Variants in DIS3L2 observed in about 807,000 individuals in gnomAD.
The protein encoded by DIS3L2 is DIS3 like 3'-5' exoribonuclease 2, also known as DIS3-like exonuclease 2.
In DIS3L2, 34 loss-of-function variants were observed where a neutral mutation model predicts 97.5. The ratio of observed to expected loss-of-function variants is 0.35; its 90% CI spans 0.27 to 0.46. The LOEUF is 0.46. DIS3L2 is among the 20% of genes least tolerant of loss of function. The pLI is 1.00. For synonymous variants in DIS3L2, 435 were observed against 445.2 expected (o/e 0.98, Z 0.29); for missense variants, 1,038 against 1,146.0 (o/e 0.91, Z 1.36).
At chr2:231,987,667 T>C (rs1296922608) in intron 1 of DIS3L2, among the ~76,000 whole-genome samples, 1 of 152,158 alleles carries the variant, frequency 6.6e-6, no homozygotes, top group African/African-American at 2.4e-5. Context: ...AGGCCCAGCT[T>C]ATTTCCCTGG....
chr2:232,116,533 C>T (rs527668509), intron 6 of DIS3L2, among the ~76,000 whole-genome samples: 2 of 152,356 alleles, frequency 1.3e-5, no homozygotes, highest in South Asian at 4.1e-4. Flanking sequence ...AGAGAATTCT[C>T]AACTAGGTTT....
intron 8 of DIS3L2, among the ~76,000 whole-genome samples, chr2:232,145,243 T>C (rs1389277511): frequency 5.3e-5 from 8 of 152,198 alleles, no homozygotes; most frequent in Admixed American, 5.2e-4. Flanking sequence ...TTCTCTCCAG[T>C]TTGTGAGTTG....
chr2:232,078,801 G>A (rs1436025000), intron 5 of DIS3L2, among the ~76,000 whole-genome samples: 1 of 152,234 alleles, frequency 6.6e-6, no homozygotes, highest in Admixed American at 6.5e-5. Context: ...AAATTGAGAA[G>A]TGCTGAAGAA....
chr2:232,058,715 G>T (rs890641623), intron 5 of DIS3L2, among the ~76,000 whole-genome samples: 29 of 152,110 alleles, frequency 1.9e-4, no homozygotes, highest in African/African-American at 6.5e-4. Flanking sequence ...ACTTTTCCCA[G>T]TGTGCACACA....
At chr2:232,339,722 C>G (rs1379243051), downstream of DIS3L2, 1 of 456,218 alleles carries the variant, frequency 2.2e-6, no homozygotes, top group Admixed American at 2.4e-5. Flanking sequence ...AGCAGGAAAG[C>G]CACATGGACG....
intron 5 of DIS3L2, among the ~76,000 whole-genome samples, chr2:232,040,682 C>T (rs1695086354): frequency 2.0e-5 from 3 of 152,186 alleles, no homozygotes; most frequent in Admixed American, 6.5e-5. Context: ...TGGTGCTTAC[C>T]GTGTACCAGG....
intron 12 of DIS3L2, among the ~76,000 whole-genome samples, chr2:232,251,138 T>C (rs1693407441): frequency 6.6e-6 from 1 of 152,222 alleles, no homozygotes; most frequent in Non-Finnish European, 1.5e-5. Flanking sequence ...CTAGGGCTCT[T>C]AAGTATATGT....
At chr2:232,028,351 T>C (rs137889473) in intron 4 of DIS3L2, among the ~76,000 whole-genome samples, 82 of 152,320 alleles carry the variant, frequency 5.4e-4, no homozygotes, top group African/African-American at 1.8e-3. Flanking sequence ...ACTTTTAATA[T>C]TGAGCAGTTC....
Position 232,175,176 on chromosome 2 carries a change from GCTCT to G in DIS3L2, c.1124+11547_1124+11550del, listed in dbSNP as rs1219409526. On this transcript the variant is annotated intron_variant, in intron 9 of 20. Transcript: ENST00000325385. ...TGTAAGCTTTGGGGGTTTTGTAGATGCTCTCTATCAGCTGAAAGCTTTTCCTTCT... is the reference window on the plus strand; with the variant it reads ...TGTAAGCTTTGGGGGTTTTGTAGATGCTATCAGCTGAAAGCTTTTCCTTCT... Among the ~76,000 whole-genome samples, 14 of 152,056 alleles carry G rather than the reference GCTCT, an allele frequency of 9.2e-5. 1 individual carries two copies. The highest frequency in any genetic ancestry group is 3.4e-4 in the African/African-American group (14 of 41,410).
intron 9 of DIS3L2, among the ~76,000 whole-genome samples, chr2:232,201,111 C>T (rs1691881502): frequency 6.6e-6 from 1 of 152,220 alleles, no homozygotes; most frequent in African/African-American, 2.4e-5. Flanking sequence ...TTCACATGAT[C>T]TCTAAGTCTC....
chr2:232,048,460 C>T (rs982876066), intron 5 of DIS3L2, among the ~76,000 whole-genome samples: 3 of 152,128 alleles, frequency 2.0e-5, no homozygotes, highest in African/African-American at 4.8e-5. Context: ...AGGCCGGGCG[C>T]GGTGGCTCAC....
intron 8 of DIS3L2, among the ~76,000 whole-genome samples, chr2:232,158,458 T>C (rs529187712): frequency 6.6e-6 from 1 of 152,306 alleles, no homozygotes; most frequent in East Asian, 1.9e-4. Flanking sequence ...TCAATTTGTT[T>C]TTTCTGTCTT....
At chr2:232,175,659 A>G (rs1433850839) in intron 9 of DIS3L2, among the ~76,000 whole-genome samples, 1 of 151,958 alleles carries the variant, frequency 6.6e-6, no homozygotes, top group East Asian at 1.9e-4. Flanking sequence ...AGTTTGGTGT[A>G]CAAATGATTT....
chr2:232,108,017 C>T (rs1454515769), intron 6 of DIS3L2, among the ~76,000 whole-genome samples: 2 of 152,134 alleles, frequency 1.3e-5, no homozygotes, highest in African/African-American at 2.4e-5. Flanking sequence ...GGGGACCCCT[C>T]CCTAACTTAT....
chr2:232,321,617 C>G (rs10933389), intron 14 of DIS3L2, among the ~76,000 whole-genome samples: 21,661 of 152,066 alleles, frequency 0.14, 2,345 homozygotes, highest in African/African-American at 0.3. Context: ...GGCAGTGACG[C>G]GAAACCAAGA....
intron 6 of DIS3L2, among the ~76,000 whole-genome samples, chr2:232,122,273 T>C (rs745439298): frequency 5.3e-4 from 80 of 152,228 alleles, no homozygotes; most frequent in Non-Finnish European, 2.4e-4. Context: ...TTAACAGATA[T>C]TAATTTCATT....
intron 13 of DIS3L2, among the ~76,000 whole-genome samples, chr2:232,294,645 C>A (rs933412354): frequency 6.6e-6 from 1 of 152,148 alleles, no homozygotes; most frequent in African/African-American, 2.4e-5. Context: ...TGGCCTCAGC[C>A]CCTTCAACTC....
At chr2:232,138,449 C>T (rs979806452) in intron 8 of DIS3L2, among the ~76,000 whole-genome samples, 4 of 151,922 alleles carry the variant, frequency 2.6e-5, no homozygotes, top group African/African-American at 9.7e-5. Context: ...TGGAAATATG[C>T]CTTTTAAAAT....
chr2:232,267,951 T>C (rs183074075), intron 13 of DIS3L2, among the ~76,000 whole-genome samples: 3,904 of 130,470 alleles, frequency 0.03, 138 homozygotes, highest in African/African-American at 0.1. Flanking sequence ...GGAATATTGA[T>C]TGATTTTTAG....
Sources: gnomAD v4.1 joint callset for allele counts (sites outside exome capture counted in the v4.1 genomes callset) on GRCh38, gnomAD v4.1.1 for gene constraint, MANE v1.5 for transcripts, NCBI Gene and HGNC (gene_info 2026-07-23, HGNC 2026-07-21) for gene names.